Variants in CDC42SE2 observed in about 807,000 individuals in gnomAD.
CDC42SE2 encodes the protein CDC42 small effector protein 2.
A neutral mutation model predicts 11.5 loss-of-function variants in CDC42SE2; 3 were observed. The observed-to-expected ratio is 0.26, with a 90% confidence interval of 0.12 to 0.67. The LOEUF is 0.67. Among genes scored for constraint, CDC42SE2 ranks in the 30% least tolerant of loss-of-function variants. CDC42SE2 has a pLI of 0.80. For missense variants in CDC42SE2, 82 were observed against 106.8 expected (o/e 0.77, Z 1.02); for synonymous variants, 33 against 34.8 (o/e 0.95, Z 0.18).
intron 3 of CDC42SE2, among the ~76,000 whole-genome samples, chr5:131,372,740 C>T (rs765647503): frequency 4.6e-5 from 7 of 151,804 alleles, no homozygotes; most frequent in Non-Finnish European, 8.8e-5. Context: ...CAGACAGATC[C>T]GGATTTGAAT....
chr5:131,283,430 T>C (rs1401518816), intron 1 of CDC42SE2, among the ~76,000 whole-genome samples: 1 of 152,198 alleles, frequency 6.6e-6, no homozygotes. Context: ...ACCTTTTGTG[T>C]CTGGCTTTTT....
In CDC42SE2 at chr5:131,323,277, T is replaced by C. The variant is rs1758232114; in HGVS notation, c.-286+7133T>C. 2.0e-5 allele frequency among the ~76,000 whole-genome samples: 3 copies of C among 151,964 alleles called. No homozygotes were observed. In the South Asian group the frequency reaches 6.2e-4, roughly 32 times the overall value. ...CTGGGCTCGAGCAATCCTTCCACCT[T>C]GGCATTCAAGTGTTGGGATTACAGG... On this transcript the variant is annotated intron_variant, in intron 2 of 4. Transcript: ENST00000505065.
intron 1 of CDC42SE2, among the ~76,000 whole-genome samples, chr5:131,245,922 TC>T (rs1480175213): frequency 2.0e-5 from 3 of 152,224 alleles, no homozygotes; most frequent in African/African-American, 7.2e-5. Context: ...TCACATTTTG[TC>T]CTTTTGCTGC....
chr5:131,336,981 C>T (rs924227548), intron 2 of CDC42SE2, among the ~76,000 whole-genome samples: 1 of 152,216 alleles, frequency 6.6e-6, no homozygotes, highest in African/African-American at 2.4e-5. Context: ...GTCAGTCATT[C>T]TCTGTCCAGC....
intron 1 of CDC42SE2, among the ~76,000 whole-genome samples, chr5:131,266,459 T>G (rs988590314): frequency 6.6e-5 from 10 of 150,844 alleles, no homozygotes; most frequent in South Asian, 2.1e-4. Flanking sequence ...CTTTTTTTTT[T>G]CTTTTTTTTT....
the CDC42SE2 span, among the ~76,000 whole-genome samples, chr5:131,234,318 G>GAGAT: frequency 2.2e-4 from 33 of 152,066 alleles, no homozygotes; most frequent in African/African-American, 4.3e-4. Context: ...GAATCAATAG[G>GAGAT]AGATAGATAG....
chr5:131,345,876 A>C (rs569275906), intron 2 of CDC42SE2, among the ~76,000 whole-genome samples: 7 of 152,340 alleles, frequency 4.6e-5, no homozygotes, highest in Non-Finnish European at 1.0e-4. Flanking sequence ...TTTTCAACCC[A>C]GAATTTCATA....
At chr5:131,334,100 T>G (rs550245572) in intron 2 of CDC42SE2, among the ~76,000 whole-genome samples, 24 of 152,250 alleles carry the variant, frequency 1.6e-4, no homozygotes, top group African/African-American at 5.8e-4. Context: ...GGCTGTGGGT[T>G]TGTCATAGAT....
Position 131,295,076 on chromosome 5 carries a change from G to A in CDC42SE2, c.-454-20900G>A, listed in dbSNP as rs570829353. Reference sequence around the variant, plus strand: ...TGGGAGGCGGAGGTTGCAGTGAGCCGAGATCATGCCACTGCGCTCCATTCT... The same window carrying A: ...TGGGAGGCGGAGGTTGCAGTGAGCCAAGATCATGCCACTGCGCTCCATTCT... On this transcript the variant is annotated intron_variant, in intron 1 of 4. Coordinates refer to ENST00000505065, the MANE Select transcript of CDC42SE2 (RefSeq NM_001375635.1). 1.1e-4 allele frequency among the ~76,000 whole-genome samples: 17 copies of A among 151,744 alleles called. No individual in the cohort carries two copies. In the South Asian group the frequency reaches 2.9e-3, roughly 26 times the overall value.
At chr5:131,214,920 G>A in the CDC42SE2 span, among the ~76,000 whole-genome samples, 15,000 of 152,264 alleles carry the variant, frequency 0.099, 920 homozygotes, top group South Asian at 0.14. Context: ...ATAGTGCACA[G>A]AATTCACTAT....
chr5:131,337,015 C>G (rs1263711519), intron 2 of CDC42SE2, among the ~76,000 whole-genome samples: 1 of 152,202 alleles, frequency 6.6e-6, no homozygotes. Context: ...TGGTGAGGAG[C>G]TGCGTTCCTT....
At chr5:131,227,624 T>A in the CDC42SE2 span, among the ~76,000 whole-genome samples, 1 of 152,272 alleles carries the variant, frequency 6.6e-6, no homozygotes, top group African/African-American at 2.4e-5. Context: ...TTTGGCAACA[T>A]TTCTTACCAA....
chr5:131,210,593 C>A, the CDC42SE2 span, among the ~76,000 whole-genome samples: 1 of 152,172 alleles, frequency 6.6e-6, no homozygotes. Flanking sequence ...ATTGCATTAT[C>A]TTTTACCCTC....
At chr5:131,232,995 TC>T in the CDC42SE2 span, among the ~76,000 whole-genome samples, 49 of 151,842 alleles carry the variant, frequency 3.2e-4, no homozygotes, top group Non-Finnish European at 6.2e-4. Flanking sequence ...AAAGGCTTCT[TC>T]CCATCTCTGT....
chr5:131,286,158 A>G (rs2149705819), intron 1 of CDC42SE2, among the ~76,000 whole-genome samples: 1 of 151,088 alleles, frequency 6.6e-6, no homozygotes, highest in Non-Finnish European at 1.5e-5. Flanking sequence ...GGGCTCAAGC[A>G]ATCCTCCTGG....
At chr5:131,357,378 C>T (rs1197061639) in intron 2 of CDC42SE2, among the ~76,000 whole-genome samples, 1 of 152,208 alleles carries the variant, frequency 6.6e-6, no homozygotes, top group Non-Finnish European at 1.5e-5. Context: ...AGATTTGTGA[C>T]ACTGAGGGTG....
chr5:131,310,829 A>AT (rs1249252366), intron 1 of CDC42SE2, among the ~76,000 whole-genome samples: 1 of 151,924 alleles, frequency 6.6e-6, no homozygotes, highest in Admixed American at 6.6e-5. Flanking sequence ...TTTTGAGCGT[A>AT]TGTGTGTCTC....
chr5:131,337,194 C>A (rs935634803), intron 2 of CDC42SE2, among the ~76,000 whole-genome samples: 1 of 152,168 alleles, frequency 6.6e-6, no homozygotes, highest in African/African-American at 2.4e-5. Context: ...ACAGTCAGGA[C>A]CCTCAACTGC....
intron 1 of CDC42SE2, among the ~76,000 whole-genome samples, chr5:131,270,231 C>T (rs934875310): frequency 1.3e-5 from 2 of 151,916 alleles, no homozygotes; most frequent in East Asian, 1.9e-4. Context: ...AAAAATTATC[C>T]GGGCGTGGTG....
Sources: gnomAD v4.1 joint callset for allele counts (sites outside exome capture counted in the v4.1 genomes callset) on GRCh38, gnomAD v4.1.1 for gene constraint, MANE v1.5 for transcripts, NCBI Gene and HGNC (gene_info 2026-07-23, HGNC 2026-07-21) for gene names.